The following PTPRN2 variants were observed in gnomAD, a reference collection of about 807,000 sequenced individuals.
PTPRN2 encodes receptor-type tyrosine-protein phosphatase N2.
PTPRN2 carries 74 observed loss-of-function variants against 118.8 expected under a neutral mutation model. That is an observed-to-expected ratio of 0.62 (90% CI 0.52 to 0.76). The LOEUF is 0.76. Ranked by LOEUF, PTPRN2 falls within the 30% of genes least tolerant of loss-of-function variation. The pLI is 0.00. For synonymous variants in PTPRN2, 641 were observed against 608.0 expected (o/e 1.05, Z -0.80); for missense variants, 1,481 against 1,394.4 (o/e 1.06, Z -0.99).
chr7:157,630,178 C>T (rs1028531154), intron 14 of PTPRN2, among the ~76,000 whole-genome samples: 9 of 152,122 alleles, frequency 5.9e-5, no homozygotes, highest in African/African-American at 1.9e-4. Flanking sequence ...GCAGCAAACC[C>T]TTGATGAGAA....
chr7:157,932,581 G>A (rs1799427292), intron 11 of PTPRN2, among the ~76,000 whole-genome samples: 2 of 151,006 alleles, frequency 1.3e-5, no homozygotes, highest in Non-Finnish European at 3.0e-5. Flanking sequence ...GAGTCACTTG[G>A]ACATTTTTAG....
At chr7:158,262,200 A>T (rs1797448425) in intron 3 of PTPRN2, among the ~76,000 whole-genome samples, 1 of 152,198 alleles carries the variant, frequency 6.6e-6, no homozygotes, top group Non-Finnish European at 1.5e-5. Flanking sequence ...TTCCTGATGT[A>T]AACACAGACA....
At chr7:158,109,766 A>G (rs1253734485) in intron 10 of PTPRN2, among the ~76,000 whole-genome samples, 1 of 151,692 alleles carries the variant, frequency 6.6e-6, no homozygotes, top group Non-Finnish European at 1.5e-5. Context: ...CCCCTGTGTG[A>G]AGCGTCAGTG....
chr7:157,914,362 A>C (rs1448916315), intron 11 of PTPRN2, among the ~76,000 whole-genome samples: 1 of 152,054 alleles, frequency 6.6e-6, no homozygotes, highest in Non-Finnish European at 1.5e-5. Context: ...CAGTGGTGGA[A>C]ATTTTTCTGC....
At chr7:157,954,401 G>A (rs1434091804) in intron 11 of PTPRN2, among the ~76,000 whole-genome samples, 1 of 151,142 alleles carries the variant, frequency 6.6e-6, no homozygotes, top group Non-Finnish European at 1.5e-5. Context: ...GGTGGTGCCT[G>A]TGTACTGTGT....
intron 3 of PTPRN2, among the ~76,000 whole-genome samples, chr7:158,313,641 C>T (rs1017161116): frequency 2.0e-5 from 3 of 152,198 alleles, no homozygotes; most frequent in Non-Finnish European, 4.4e-5. Flanking sequence ...CTGCCTGGGA[C>T]TCCGTCTCCA....
chr7:158,513,635 A>AG (rs1823331332), intron 1 of PTPRN2, among the ~76,000 whole-genome samples: 1 of 137,850 alleles, frequency 7.3e-6, no homozygotes, highest in Non-Finnish European at 1.6e-5. Context: ...CAGAGAGAGA[A>AG]ATAGCCACAT....
chr7:158,415,413 C>T (rs1419338495), intron 2 of PTPRN2, among the ~76,000 whole-genome samples: 1 of 152,214 alleles, frequency 6.6e-6, no homozygotes, highest in Non-Finnish European at 1.5e-5. Flanking sequence ...AAGCCCCCAC[C>T]AGCTGCTTCA....
At chr7:157,686,874 C>G (rs1028965706) in intron 12 of PTPRN2, among the ~76,000 whole-genome samples, 2 of 151,856 alleles carry the variant, frequency 1.3e-5, no homozygotes, top group Non-Finnish European at 2.9e-5. Flanking sequence ...TTCTCAGAGG[C>G]AGGAATAGTA....
At chr7:158,321,658 G>T (rs1803025501) in intron 2 of PTPRN2, among the ~76,000 whole-genome samples, 1 of 152,200 alleles carries the variant, frequency 6.6e-6, no homozygotes, top group Admixed American at 6.5e-5. Flanking sequence ...AAGTCTCACT[G>T]CTGGCAACTG....
intron 3 of PTPRN2, among the ~76,000 whole-genome samples, chr7:158,251,989 C>T (rs1442396933): frequency 6.6e-6 from 1 of 152,192 alleles, no homozygotes; most frequent in Non-Finnish European, 1.5e-5. Context: ...CTGCCCCAGG[C>T]TCAGGGCAGG....
chr7:158,398,502 T>C (rs1210389411), intron 2 of PTPRN2, among the ~76,000 whole-genome samples: 1 of 152,230 alleles, frequency 6.6e-6, no homozygotes, highest in Non-Finnish European at 1.5e-5. Context: ...AAAACATACA[T>C]AAAGTACATT....
chr7:158,408,838 C>T (rs1813794846), intron 2 of PTPRN2, among the ~76,000 whole-genome samples: 1 of 151,396 alleles, frequency 6.6e-6, no homozygotes, highest in Admixed American at 6.6e-5. Flanking sequence ...ACACTGGACT[C>T]ACCCCAGTCA....
chr7:157,837,287 C>T (rs1242852393), intron 12 of PTPRN2, among the ~76,000 whole-genome samples: 2 of 151,790 alleles, frequency 1.3e-5, no homozygotes, highest in Non-Finnish European at 2.9e-5. Flanking sequence ...CCACTCACCA[C>T]CACCTGTCCA....
intron 10 of PTPRN2, among the ~76,000 whole-genome samples, chr7:158,100,749 G>GT (rs1175851559): frequency 6.6e-6 from 1 of 152,284 alleles, no homozygotes; most frequent in East Asian, 1.9e-4. Flanking sequence ...TGATGGGACT[G>GT]TTTGTTTCTT....
intron 2 of PTPRN2, among the ~76,000 whole-genome samples, chr7:158,407,501 C>G (rs866302239): frequency 0.025 from 159 of 6,250 alleles, 13 homozygotes; most frequent in African/African-American, 0.058. Context: ...CTGGGTCCTG[C>G]GTCCTGGGTC....
chr7:158,342,365 ACT>A (rs1187265468), intron 2 of PTPRN2, among the ~76,000 whole-genome samples: 6 of 135,380 alleles, frequency 4.4e-5, no homozygotes, highest in African/African-American at 1.5e-4. Context: ...TCACACCCAC[ACT>A]CTCACCATAA....
At chr7:158,153,546 C>T (rs1445534106) in intron 6 of PTPRN2, among the ~76,000 whole-genome samples, 2 of 152,122 alleles carry the variant, frequency 1.3e-5, no homozygotes, top group East Asian at 3.9e-4. Context: ...AGCAGCGGGG[C>T]ACTGAAGAAG....
Position 158,330,726 on chromosome 7 carries a change from G to A in PTPRN2, c.164-13794C>T, listed in dbSNP as rs373542058. Among the ~76,000 whole-genome samples the A allele has an allele frequency of 1.1e-4, 5 of 45,102 alleles. 1 individual carries two copies. The highest frequency in any genetic ancestry group is 1.0e-3 in the South Asian group (1 of 1,000). 29.6% of individuals were successfully genotyped at this position (45,102 alleles called of 152,430 possible). On this transcript the variant is annotated intron_variant, in intron 2 of 22. Coordinates refer to ENST00000389418, the MANE Select transcript of PTPRN2 (RefSeq NM_002847.5). ...ATACTCTCACCATAAGAGCCGACAC[G>A]TGCAGACGTCACTCACACCCACACT...
Sources: allele counts gnomAD v4.1 joint callset (sites outside exome capture counted in the v4.1 genomes callset), GRCh38; gene constraint gnomAD v4.1.1; transcripts MANE v1.5; gene names NCBI Gene and HGNC (gene_info 2026-07-23, HGNC 2026-07-21).